The following RAPGEF2 variants were observed in gnomAD, a reference collection of about 807,000 sequenced individuals.
RAPGEF2 encodes PDZ domain containing guanine nucleotide exchange factor (GEF) 1.
Under a neutral mutation model 186.7 loss-of-function variants are expected in RAPGEF2, and 54 were observed. The observed-to-expected ratio is 0.29, with a 90% CI of 0.23 to 0.36. The LOEUF is 0.36. RAPGEF2 is among the 10% of genes least tolerant of loss of function. The pLI, the probability that RAPGEF2 is intolerant of heterozygous loss-of-function variation, is 1.00. For missense variants in RAPGEF2, 1,532 were observed against 2,045.0 expected (o/e 0.75, Z 4.84); for synonymous variants, 712 against 705.9 (o/e 1.01, Z -0.14).
intron 7 of RAPGEF2, among the ~76,000 whole-genome samples, chr4:159,260,775 T>C (rs562151870): frequency 4.6e-5 from 7 of 151,984 alleles, no homozygotes; most frequent in Non-Finnish European, 1.0e-4. Flanking sequence ...TGAGACGGAG[T>C]TTCACTCTTG....
chr4:159,265,228 T>A (rs1757299396), intron 7 of RAPGEF2, among the ~76,000 whole-genome samples: 1 of 152,144 alleles, frequency 6.6e-6, no homozygotes, highest in Non-Finnish European at 1.5e-5. Flanking sequence ...CACAGACAGA[T>A]ATGGCACCAG....
rs1441820441 is a variant in RAPGEF2, at chr4:159,198,243, T to TCTTC, written c.197+4991_197+4994dup. ...TTTCTTTTATTTTCTTTTCTTTCTT[T>TCTTC]CTTCCTTTCTTTCTTTCTCTTTCTT... is the stretch of plus-strand genomic sequence containing the variant. On this transcript the variant is annotated intron_variant, in intron 3 of 29. Coordinates refer to ENST00000691494, the MANE Select transcript of RAPGEF2 (RefSeq NM_001394067.2). 4.8e-4 allele frequency among the ~76,000 whole-genome samples: 62 copies of TCTTC among 128,876 alleles called. 1 individual carries two copies. The highest frequency in any genetic ancestry group is 1.8e-3 in the African/African-American group (61 of 33,220). The allele number at this position is 128,876 out of a possible 152,430, so 84.5% of individuals were successfully genotyped here.
At chr4:159,114,126 T>G (rs972415574) in intron 1 of RAPGEF2, among the ~76,000 whole-genome samples, 11 of 151,198 alleles carry the variant, frequency 7.3e-5, no homozygotes, top group African/African-American at 2.7e-4. Flanking sequence ...CTAATTTTTT[T>G]TTTTTTTTTT....
chr4:159,208,167 C>G (rs28694219), intron 3 of RAPGEF2, among the ~76,000 whole-genome samples: 19,198 of 152,118 alleles, frequency 0.13, 2,520 homozygotes, highest in African/African-American at 0.33. Context: ...ACTGCTGATT[C>G]ACTTTGGAAG....
intron 3 of RAPGEF2, among the ~76,000 whole-genome samples, chr4:159,207,610 C>T (rs765697689): frequency 2.0e-5 from 3 of 152,176 alleles, no homozygotes; most frequent in Non-Finnish European, 2.9e-5. Context: ...TTCATTTAAT[C>T]CTTGCAGCAG....
In RAPGEF2 at chr4:159,350,173, C is replaced by T; in HGVS notation, c.3749C>T (p.Ser1250Phe). Residue 1250 changes from serine (S) to phenylalanine (F), a missense_variant, in exon 26 of 30, where the codon TCT (serine) becomes TTT (phenylalanine). By Grantham distance (155) the Ser-to-Phe change is radical. Coordinates refer to ENST00000691494, the MANE Select transcript of RAPGEF2 (RefSeq NM_001394067.2). ...NSPQALKKILSLSEEGSLERH... is the reference protein window; with the variant it reads ...NSPQALKKILFLSEEGSLERH... ...CCACAAGCTTTAAAAAAAATTCTTT[C>T]TTTGTCTGAAGAAGGAAGTTTGGAA... The T allele has an allele frequency of 8.3e-6, 13 of 1,567,218 alleles. No homozygotes were observed. Among genetic ancestry groups the T allele is most frequent in the Non-Finnish European group, 1.1e-5 (13 of 1,156,534 alleles).
chr4:159,231,207 G>A (rs1260836099), intron 4 of RAPGEF2, among the ~76,000 whole-genome samples: 2 of 152,070 alleles, frequency 1.3e-5, no homozygotes, highest in Non-Finnish European at 2.9e-5. Flanking sequence ...GCAATAGGCT[G>A]TATCATCTAG....
chr4:159,280,660 T>TA lies in RAPGEF2; in HGVS notation c.544-23680dup, dbSNP rs80152657. Among the ~76,000 whole-genome samples the TA allele has an allele frequency of 7.2e-5, 11 of 152,356 alleles. No individual in the cohort carries two copies. The East Asian group carries it at 2.1e-3, about 29-fold the overall frequency. ...AAGATATTGTCGTCAAGTTTGTTTA[T>TA]AATAAAGTTAATGAGTGACTTTGAA... On this transcript the variant is annotated intron_variant, in intron 7 of 29. Coordinates refer to ENST00000691494, the MANE Select transcript of RAPGEF2 (RefSeq NM_001394067.2).
At chr4:159,342,862 G>A in intron 20 of RAPGEF2, 117 bp from the exon 21 acceptor site, 1 of 920,174 alleles carries the variant, frequency 1.1e-6, no homozygotes, top group Non-Finnish European at 1.6e-6. Flanking sequence ...TTCTTATGCA[G>A]CCTTCTGTAA....
At chr4:159,256,470 C>G (rs969368772) in intron 7 of RAPGEF2, among the ~76,000 whole-genome samples, 2 of 152,082 alleles carry the variant, frequency 1.3e-5, no homozygotes, top group African/African-American at 4.8e-5. Flanking sequence ...TGGGTTGATT[C>G]CATGTCTTTG....
At chr4:159,126,048 G>A (rs1740266153) in intron 1 of RAPGEF2, among the ~76,000 whole-genome samples, 1 of 152,162 alleles carries the variant, frequency 6.6e-6, no homozygotes, top group African/African-American at 2.4e-5. Flanking sequence ...TAGCAATGTT[G>A]CTAGTGTTTA....
At chr4:159,139,374 C>G (rs1294888197) in intron 1 of RAPGEF2, among the ~76,000 whole-genome samples, 1 of 152,180 alleles carries the variant, frequency 6.6e-6, no homozygotes, top group African/African-American at 2.4e-5. Flanking sequence ...GTAGCCTCTT[C>G]TATACAGTTT....
rs1396567618 is a variant in RAPGEF2, at chr4:159,177,688, T to TA, written c.70-8953dup. ...TAACCATAGCATATCCACTTAACCA[T>TA]ACCGTATCAATAAACATAATGAAAC... On this transcript the variant is annotated intron_variant, in intron 1 of 29. Coordinates refer to ENST00000691494, the MANE Select transcript of RAPGEF2 (RefSeq NM_001394067.2). Among the ~76,000 whole-genome samples, 3 of 152,300 alleles carry TA rather than the reference T, an allele frequency of 2.0e-5. No individual in the cohort carries two copies. The East Asian group carries it at 5.8e-4, about 29-fold the overall frequency.
chr4:159,256,190 A>G (rs1031065934), intron 7 of RAPGEF2, among the ~76,000 whole-genome samples: 1 of 152,180 alleles, frequency 6.6e-6, no homozygotes. Flanking sequence ...TATTAAGCCC[A>G]TGTATTAGCT....
At chr4:159,322,022 C>T (rs539613515) in intron 9 of RAPGEF2, among the ~76,000 whole-genome samples, 2 of 152,204 alleles carry the variant, frequency 1.3e-5, no homozygotes, top group South Asian at 4.1e-4. Context: ...CTTTCATTTC[C>T]ACTCTCATAA....
At chr4:159,170,013 A>G (rs1745737180) in intron 1 of RAPGEF2, among the ~76,000 whole-genome samples, 1 of 151,240 alleles carries the variant, frequency 6.6e-6, no homozygotes, top group African/African-American at 2.4e-5. Flanking sequence ...CATAATGAAT[A>G]TACTAATTTA....
At chr4:159,159,738 C>G (rs962436166) in intron 1 of RAPGEF2, among the ~76,000 whole-genome samples, 2 of 152,158 alleles carry the variant, frequency 1.3e-5, no homozygotes, top group African/African-American at 4.8e-5. Flanking sequence ...ACAACTTGAC[C>G]TCTTCATTAG....
At chr4:159,296,583 T>C (rs537078082) in intron 7 of RAPGEF2, among the ~76,000 whole-genome samples, 1 of 152,242 alleles carries the variant, frequency 6.6e-6, no homozygotes, top group Admixed American at 6.5e-5. Context: ...AAATCACTTT[T>C]CTGCATCTGA....
At chr4:159,190,382 A>G (rs763936282) in intron 2 of RAPGEF2, among the ~76,000 whole-genome samples, 1 of 152,112 alleles carries the variant, frequency 6.6e-6, no homozygotes, top group Non-Finnish European at 1.5e-5. Context: ...GGTAAGGGAT[A>G]ATGGTGGGAT....
Sources: gnomAD v4.1 joint callset for allele counts (sites outside exome capture counted in the v4.1 genomes callset) on GRCh38, gnomAD v4.1.1 for gene constraint, MANE v1.5 for transcripts, NCBI Gene and HGNC (gene_info 2026-07-23, HGNC 2026-07-21) for gene names.